Variants in PRRC2B observed in about 807,000 individuals in gnomAD.
The protein encoded by PRRC2B is proline rich coiled-coil 2B.
Under a neutral mutation model 242.3 loss-of-function variants are expected in PRRC2B, and 68 were observed. The observed-to-expected ratio is 0.28, with a 90% CI of 0.23 to 0.34. PRRC2B has a LOEUF of 0.34. PRRC2B is among the 10% of genes least tolerant of loss of function. PRRC2B has a pLI of 1.00. For synonymous variants in PRRC2B, 1,228 were observed against 1,173.6 expected (o/e 1.05, Z -0.95); for missense variants, 2,835 against 2,954.8 (o/e 0.96, Z 0.94).
chr9:131,410,397 C>T lies in PRRC2B; in HGVS notation c.-52+16134C>T, dbSNP rs572633254. ...GGCCAGGCCTGCACTTCACATTCACCTCAGGTCCCCAGGGGTGCTGGCAGG... is the reference window on the plus strand; with the variant it reads ...GGCCAGGCCTGCACTTCACATTCACTTCAGGTCCCCAGGGGTGCTGGCAGG... On this transcript the variant is annotated intron_variant, in intron 1 of 31. Coordinates refer to ENST00000683519, the MANE Select transcript of PRRC2B (RefSeq NM_013318.4). Among the ~76,000 whole-genome samples the T allele has an allele frequency of 3.3e-5, 5 of 152,328 alleles. No individual in the cohort carries two copies. The East Asian group carries it at 5.8e-4, about 18-fold the overall frequency.
chr9:131,470,700 A>T (rs4471099), intron 13 of PRRC2B, 88 bp from the exon 14 acceptor site: 1,108,371 of 1,114,314 alleles, frequency 0.99, 551,438 homozygotes, highest in East Asian at 1. Flanking sequence ...CTGTGCTGCC[A>T]GCTGGAAAGC....
intron 1 of PRRC2B, among the ~76,000 whole-genome samples, chr9:131,415,489 A>T (rs1837623769): frequency 6.6e-6 from 1 of 152,196 alleles, no homozygotes; most frequent in Non-Finnish European, 1.5e-5. Context: ...AGGGAGAATT[A>T]ACTGCTGGGT....
rs755329924 is a variant in PRRC2B at position 131,432,605 on chromosome 9, C to T, written c.116-12C>T. On this transcript the variant is annotated splice_polypyrimidine_tract_variant and intron_variant, in intron 2 of 31. Transcript: ENST00000683519. Reference sequence around the variant, plus strand: ...TTTGCATGGTGTCTGTTCCATGTCCCTCTCCCTGCAGTTATTCCTAGACAT... The same window carrying T: ...TTTGCATGGTGTCTGTTCCATGTCCTTCTCCCTGCAGTTATTCCTAGACAT... The T allele has an allele frequency of 6.2e-7, 1 of 1,612,504 alleles. No individual in the cohort carries two copies. The highest frequency in any genetic ancestry group is 1.1e-5 in the South Asian group (1 of 90,936).
chr9:131,450,968 ACAGTTTT>A (rs1205310675), intron 9 of PRRC2B, among the ~76,000 whole-genome samples: 1 of 152,192 alleles, frequency 6.6e-6, no homozygotes, highest in African/African-American at 2.4e-5. Flanking sequence ...TGTCTTACTT[ACAGTTTT>A]CATGTAGAGG....
intron 26 of PRRC2B, chr9:131,486,595 C>T (rs200372356): frequency 7.1e-6 from 3 of 421,396 alleles, no homozygotes; most frequent in Non-Finnish European, 9.3e-6. Flanking sequence ...GGCATACTTT[C>T]TGTGCTGCCA....
At chr9:131,435,118 C>T (rs1482417751) in intron 3 of PRRC2B, among the ~76,000 whole-genome samples, 9 of 148,572 alleles carry the variant, frequency 6.1e-5, no homozygotes, top group African/African-American at 1.2e-4. Context: ...ACCAACATGG[C>T]GAAACCCGAT....
At chr9:131,386,873 C>T (rs1021115501) in intron 1 of PRRC2B, among the ~76,000 whole-genome samples, 5 of 149,730 alleles carry the variant, frequency 3.3e-5, no homozygotes, top group Non-Finnish European at 4.4e-5. Context: ...TTAATTTACA[C>T]GATCACAAGG....
chr9:131,403,921 ATTTT>A (rs1837290924), intron 1 of PRRC2B, among the ~76,000 whole-genome samples: 1 of 151,924 alleles, frequency 6.6e-6, no homozygotes, highest in Non-Finnish European at 1.5e-5. Context: ...AACTTCTCTT[ATTTT>A]TATTTTCAGT....
rs750924977 is a variant in PRRC2B at position 131,387,095 on chromosome 9, G to A, written c.-56+13364G>A. Reference sequence around the variant, plus strand: ...CGGCTCACCGCCACCTCAGCCTTCCGGGTTCAAGCGATTCTTCTGCCTCAT... The same window carrying A: ...CGGCTCACCGCCACCTCAGCCTTCCAGGTTCAAGCGATTCTTCTGCCTCAT... On this transcript the variant is annotated intron_variant, in intron 1 of 1. Transcript: ENST00000682525. Among the ~76,000 whole-genome samples the A allele has an allele frequency of 6.7e-5, 10 of 149,798 alleles. 1 individual carries two copies. Among genetic ancestry groups the A allele is most frequent in the South Asian group, 2.1e-4 (1 of 4,732 alleles).
intron 1 of PRRC2B, among the ~76,000 whole-genome samples, chr9:131,424,596 G>C (rs1428039412): frequency 6.6e-6 from 1 of 152,128 alleles, no homozygotes; most frequent in Non-Finnish European, 1.5e-5. Flanking sequence ...TGAGGCTGGA[G>C]AATCACTTGA....
chr9:131,438,110 C>T (rs1030692485), intron 4 of PRRC2B, among the ~76,000 whole-genome samples: 1 of 152,136 alleles, frequency 6.6e-6, no homozygotes, highest in Non-Finnish European at 1.5e-5. Flanking sequence ...CAGTGTTGTG[C>T]GAGTTTTAGA....
Position 131,475,084 on chromosome 9 carries a change from G to GGAT in PRRC2B, c.2958_2960dup (p.Asp986dup). The GGAT allele has an allele frequency of 6.2e-7, 1 of 1,611,232 alleles. No homozygotes were observed. Among genetic ancestry groups the GGAT allele is most frequent in the South Asian group, 1.1e-5 (1 of 90,412 alleles). On this transcript the variant is annotated inframe_insertion, in exon 16 of 32. Coordinates refer to ENST00000683519, the MANE Select transcript of PRRC2B (RefSeq NM_013318.4). ...AGGAGCAGAGCCCCACGGCAGAAAAGGATGAGGACGAAGAGAACGATGCCT... is the reference window on the plus strand; with the variant it reads ...AGGAGCAGAGCCCCACGGCAGAAAAGGATGATGAGGACGAAGAGAACGATGCCT...
At chr9:131,381,142 T>C (rs1337090725) in intron 1 of PRRC2B, among the ~76,000 whole-genome samples, 1 of 152,130 alleles carries the variant, frequency 6.6e-6, no homozygotes, top group African/African-American at 2.4e-5. Context: ...CCACCTCACA[T>C]GTCAGCTTCA....
rs781092288 is a variant in PRRC2B at position 131,475,544 on chromosome 9, T to G, written c.3415T>G (p.Ser1139Ala). The G allele has an allele frequency of 2.5e-6, 4 of 1,612,558 alleles. No homozygotes were observed. The highest frequency in any genetic ancestry group is 3.3e-4 in the Middle Eastern group (2 of 6,062). Residue 1139 changes from serine (S) to alanine (A), a missense_variant, in exon 16 of 32, where the codon TCA (serine) becomes GCA (alanine). Coordinates refer to ENST00000683519, the MANE Select transcript of PRRC2B (RefSeq NM_013318.4). ...TGCCAGTGAGACCCATAGCGAGGGC[T>G]CAGAGTATGAAGAACTTCCCAAGCG... Reference protein sequence around the residue: ...RVASETHSEGSEYEELPKRRR... With the variant: ...RVASETHSEGAEYEELPKRRR...
chr9:131,498,085 C>T lies in PRRC2B; in HGVS notation c.*2211C>T, dbSNP rs977556939. On this transcript the variant is annotated 3_prime_UTR_variant, in exon 32 of 32. Coordinates refer to ENST00000683519, the MANE Select transcript of PRRC2B (RefSeq NM_013318.4). ...CTTCTGGATGCTGTTAAGATGTACCCTTCAGGTGAACCTGGTATCAGACCC... is the reference window on the plus strand; with the variant it reads ...CTTCTGGATGCTGTTAAGATGTACCTTTCAGGTGAACCTGGTATCAGACCC... 2.0e-5 allele frequency: 3 copies of T among 152,178 alleles called. No individual in the cohort carries two copies. Among genetic ancestry groups the T allele is most frequent in the Non-Finnish European group, 2.9e-5 (2 of 68,032 alleles). 9.4% of individuals were successfully genotyped at this position (152,178 alleles called of 1,614,324 possible). A position where few individuals can be genotyped will look rare whatever the true frequency, so the allele number is the denominator to read the frequency against.
intron 30 of PRRC2B, among the ~76,000 whole-genome samples, 194 bp downstream of exon 30, chr9:131,492,454 G>A (rs1564303738): frequency 6.6e-6 from 1 of 152,212 alleles, no homozygotes; most frequent in Non-Finnish European, 1.5e-5. Flanking sequence ...TGAGGAGTCA[G>A]GAGAGTGGTT....
chr9:131,456,413 C>T (rs936366685), intron 10 of PRRC2B, among the ~76,000 whole-genome samples: 1 of 151,758 alleles, frequency 6.6e-6, no homozygotes. Flanking sequence ...GGGCGGATCA[C>T]GAGGTCAGGA....
chr9:131,483,329 T>G (rs1943925832), intron 22 of PRRC2B, 30 bp from the exon 23 acceptor site: 1 of 1,600,240 alleles, frequency 6.2e-7, no homozygotes, highest in Admixed American at 1.7e-5. Flanking sequence ...AGGATCTCAG[T>G]GGGCTGTGTG....
At chr9:131,420,875 A>C (rs539952678) in intron 1 of PRRC2B, among the ~76,000 whole-genome samples, 22 of 152,172 alleles carry the variant, frequency 1.4e-4, no homozygotes, top group African/African-American at 4.8e-4. Context: ...GTGAGGCAGC[A>C]GAAGTGTCCC....
Sources: gnomAD v4.1 joint callset for allele counts (sites outside exome capture counted in the v4.1 genomes callset) on GRCh38, gnomAD v4.1.1 for gene constraint, MANE v1.5 for transcripts, NCBI Gene and HGNC (gene_info 2026-07-23, HGNC 2026-07-21) for gene names.